Variants in ASPA observed in about 807,000 individuals in gnomAD.
The protein encoded by ASPA is ACY-2.
In ASPA, 25 loss-of-function variants were observed where a neutral mutation model predicts 29.6. That is an observed-to-expected ratio of 0.85 (90% CI 0.62 to 1.18). The LOEUF (loss-of-function observed/expected upper bound fraction) is 1.18. ASPA is among the 50% of genes most tolerant of loss of function. ASPA has a pLI of 0.00. For synonymous variants in ASPA, 131 were observed against 130.3 expected (o/e 1.01, Z -0.04); for missense variants, 333 against 385.7 (o/e 0.86, Z 1.14).
intron 4 of ASPA, among the ~76,000 whole-genome samples, chr17:3,493,721 A>G (rs2073863882): frequency 6.6e-6 from 1 of 152,122 alleles, no homozygotes; most frequent in African/African-American, 2.4e-5. Flanking sequence ...AGGTCAAGAA[A>G]GCGAGCCTCA....
chr17:3,481,626 C>T lies in ASPA; in HGVS notation c.260C>T (p.Pro87Leu), dbSNP rs771980559. 51 of 1,613,422 alleles carry T rather than the reference C, an allele frequency of 3.2e-5. No individual in the cohort carries two copies. Among genetic ancestry groups the T allele is most frequent in the South Asian group, 3.0e-4 (27 of 90,994 alleles). Residue 87 changes from proline (P) to leucine (L), a missense_variant, in exon 2 of 6, where the codon CCA becomes CTA. Transcript: ENST00000263080. ...NLGKKMSEDL[P>L]YEVRRAQEIN... is the part of the protein sequence containing the mutation. The stretch of plus-strand genomic sequence containing the variant: ...AGCAAAAAAATGTCAGAAGATTTGC[C>T]ATATGAAGTGAGAAGGGCTCAAGAA...
chr17:3,489,329 T>C lies in ASPA; in HGVS notation c.621T>C (p.His207=), dbSNP rs369805590. Residue 207 remains histidine (H), a synonymous_variant, in exon 4 of 6, where the codon CAT becomes CAC. Transcript: ENST00000263080. ...KMIKHALDFI[H]HFNEGKEFPP... ...TTAAACATGCTCTTGATTTTATACA[T>C]CATTTCAATGAAGGTAAGTAATAAT... 243 of 1,605,522 alleles carry C rather than the reference T, an allele frequency of 1.5e-4. No individual in the cohort carries two copies. Among genetic ancestry groups the C allele is most frequent in the Non-Finnish European group, 1.9e-4 (225 of 1,172,578 alleles).
At chr17:3,483,397 TTGA>T in intron 2 of ASPA, 99 bp from the exon 3 acceptor site, 2 of 969,090 alleles carry the variant, frequency 2.1e-6, no homozygotes, top group Admixed American at 3.6e-5. Context: ...CCAATCTTAG[TTGA>T]TGAAGTAAAA....
intron 4 of ASPA, among the ~76,000 whole-genome samples, chr17:3,493,350 C>T (rs2073855038): frequency 6.6e-6 from 1 of 152,012 alleles, no homozygotes; most frequent in Admixed American, 6.5e-5. Context: ...ATCACAAGGT[C>T]AAGAAATCGA....
At chr17:3,489,203 A>G in intron 3 of ASPA, 32 bp from the exon 4 acceptor site, 1 of 1,269,448 alleles carries the variant, frequency 7.9e-7, no homozygotes, top group Non-Finnish European at 1.1e-6. Flanking sequence ...TCATACTTAT[A>G]TAAATGTGAC....
At chr17:3,476,479 G>T in intron 1 of ASPA, 84 bp downstream of exon 1, 1 of 1,259,110 alleles carries the variant, frequency 7.9e-7, no homozygotes. Context: ...ATATGTATAT[G>T]CAGATGATAA....
At chr17:3,480,877 A>G (rs767724544) in intron 1 of ASPA, among the ~76,000 whole-genome samples, 22 of 152,212 alleles carry the variant, frequency 1.4e-4, no homozygotes, top group African/African-American at 5.1e-4. Context: ...TCATTGTAAT[A>G]ATTGTCTCAG....
Position 3,481,637 on chromosome 17 carries a change from A to C in ASPA, c.271A>C (p.Arg91=). The change falls in exon 2 of 6, where the codon AGA becomes CGA. Residue 91 remains arginine, a synonymous_variant. Transcript: ENST00000263080. ...GTCAGAAGATTTGCCATATGAAGTG[A>C]GAAGGGCTCAAGAAATAAATCATTT... The part of the protein sequence containing the change: ...KMSEDLPYEV[R]RAQEINHLFG... 1 of 1,613,828 alleles carries C rather than the reference A, an allele frequency of 6.2e-7. No individual in the cohort carries two copies. The highest frequency in any genetic ancestry group is 8.5e-7 in the Non-Finnish European group (1 of 1,179,922).
chr17:3,483,674 T>G, intron 3 of ASPA, 82 bp downstream of exon 3: 1 of 1,367,040 alleles, frequency 7.3e-7, no homozygotes, highest in Non-Finnish European at 1.0e-6. Flanking sequence ...TATCTTATTT[T>G]ATTTTTGAGA....
intron 4 of ASPA, among the ~76,000 whole-genome samples, chr17:3,491,877 C>CTATT (rs1555540279): frequency 8.1e-6 from 1 of 123,062 alleles, no homozygotes; most frequent in East Asian, 2.4e-4. Context: ...CTTTTGTTTT[C>CTATT]TTTTTTTTTT....
chr17:3,477,158 A>T (rs1314341080), intron 1 of ASPA, among the ~76,000 whole-genome samples: 1 of 152,134 alleles, frequency 6.6e-6, no homozygotes, highest in African/African-American at 2.4e-5. Flanking sequence ...CCGTCTCAAA[A>T]AAATAAATAA....
rs769726762 is a variant in ASPA, at chr17:3,481,803, T to A, written c.432+5T>A. The A allele has an allele frequency of 1.9e-6, 3 of 1,583,646 alleles. No individual in the cohort carries two copies. The South Asian group carries it at 3.4e-5, about 18-fold the overall frequency. On this transcript the variant is annotated splice_donor_5th_base_variant and intron_variant, in intron 2 of 5. Transcript: ENST00000263080. Reference sequence around the variant, plus strand: ...CAGATGTTTCATTACATTAAGGTAATGTTAATGTTATTAATTTATAAGTTA... The same window carrying A: ...CAGATGTTTCATTACATTAAGGTAAAGTTAATGTTATTAATTTATAAGTTA...
chr17:3,495,717 C>T lies in ASPA; in HGVS notation c.744+1258C>T, dbSNP rs572814460. Among the ~76,000 whole-genome samples the T allele has an allele frequency of 5.3e-5, 8 of 152,198 alleles. No homozygotes were observed. The East Asian group carries it at 5.8e-4, about 11-fold the overall frequency. ...CCGAGTAGCTGGGATTACAGGCTCA[C>T]GTCACCACACCCGGCTAACTTTTGT... On this transcript the variant is annotated intron_variant, in intron 5 of 5. Coordinates refer to ENST00000263080, the MANE Select transcript of ASPA (RefSeq NM_000049.4).
At chr17:3,491,525 T>A (rs771851879) in intron 4 of ASPA, among the ~76,000 whole-genome samples, 1 of 152,162 alleles carries the variant, frequency 6.6e-6, no homozygotes, top group Non-Finnish European at 1.5e-5. Flanking sequence ...GGCAGGCAGA[T>A]CACTTGAGGT....
In ASPA at chr17:3,488,120, G is replaced by A. The variant is rs528166014; in HGVS notation, c.527-1115G>A. ...GTAAAAGAATGCAGTATGTTAATGG[G>A]ATGGAAGAGAATGAGGGTAGTGCAG... On this transcript the variant is annotated intron_variant, in intron 3 of 5. Coordinates refer to ENST00000263080, the MANE Select transcript of ASPA (RefSeq NM_000049.4). This position sits in a 1 kb window ranked among gnomAD's most constrained non-coding sequence, Gnocchi z 6.1. Among the ~76,000 whole-genome samples the A allele has an allele frequency of 5.6e-4, 86 of 152,344 alleles. No individual in the cohort carries two copies. The South Asian group carries it at 7.7e-3, about 14-fold the overall frequency.
At chr17:3,477,904 C>T (rs750462356) in intron 1 of ASPA, among the ~76,000 whole-genome samples, 30 of 151,940 alleles carry the variant, frequency 2.0e-4, no homozygotes, top group Non-Finnish European at 2.6e-4. Flanking sequence ...GATACATGGC[C>T]GGGCACAGTG....
At chr17:3,482,916 A>G (rs933699071) in intron 2 of ASPA, among the ~76,000 whole-genome samples, 4 of 148,006 alleles carry the variant, frequency 2.7e-5, no homozygotes, top group Non-Finnish European at 6.0e-5. Flanking sequence ...CATTAGGTAT[A>G]TCTCCTAATG....
intron 4 of ASPA, among the ~76,000 whole-genome samples, chr17:3,492,940 A>G (rs1414071729): frequency 6.6e-6 from 1 of 152,222 alleles, no homozygotes; most frequent in African/African-American, 2.4e-5. Flanking sequence ...GTTTGAAGCC[A>G]CTAAATTCTG....
At chr17:3,484,883 G>A (rs551255767) in intron 3 of ASPA, among the ~76,000 whole-genome samples, 2 of 152,244 alleles carry the variant, frequency 1.3e-5, no homozygotes, top group East Asian at 3.9e-4. Context: ...GATACACTGT[G>A]TTCTCCATTT....
Sources: allele counts gnomAD v4.1 joint callset (sites outside exome capture counted in the v4.1 genomes callset), GRCh38; gene constraint gnomAD v4.1.1; non-coding constraint Gnocchi (gnomAD v3.1); transcripts MANE v1.5; gene names NCBI Gene and HGNC (gene_info 2026-07-23, HGNC 2026-07-21).